GPC5: variants seen among roughly 807,000 people sequenced by gnomAD.
GPC5 encodes glypican 5, also known as glypican-5.
In GPC5, 47 loss-of-function variants were observed where a neutral mutation model predicts 53.9. That is an observed-to-expected ratio of 0.87 (90% CI 0.69 to 1.11). The LOEUF (loss-of-function observed/expected upper bound fraction) is 1.11, where lower values mean the gene tolerates loss of function less well. GPC5 is among the 50% of genes most tolerant of loss of function. GPC5 has a pLI of 0.00. For missense variants in GPC5, 748 were observed against 713.1 expected, an observed-to-expected ratio of 1.05 and a Z score of -0.56; for synonymous variants, 286 against 263.3, an observed-to-expected ratio of 1.09 and a Z score of -0.84.
chr13:91,971,658 A>G (rs2040243410), intron 6 of GPC5, among the ~76,000 whole-genome samples: 1 of 152,076 alleles, frequency 6.6e-6, no homozygotes, highest in African/African-American at 2.4e-5. Context: ...AGATTCTGGT[A>G]TGTTGTGTCT....
chr13:92,222,861 T>A (rs2042459367), intron 7 of GPC5, among the ~76,000 whole-genome samples: 1 of 152,216 alleles, frequency 6.6e-6, no homozygotes, highest in Admixed American at 6.5e-5. Context: ...AATTAGCATG[T>A]ATTCATTCAA....
intron 7 of GPC5, among the ~76,000 whole-genome samples, chr13:92,563,605 A>G (rs1322647780): frequency 2.0e-5 from 3 of 152,086 alleles, no homozygotes; most frequent in Non-Finnish European, 2.9e-5. Context: ...TATAGAAAAA[A>G]CTAACATTTT....
chr13:91,662,563 TAATA>T (rs775940626), intron 2 of GPC5, among the ~76,000 whole-genome samples: 1 of 152,226 alleles, frequency 6.6e-6, no homozygotes, highest in South Asian at 2.1e-4. Flanking sequence ...ATGATCTAAG[TAATA>T]AATCTCTTAA....
At chr13:92,210,390 ATTC>A (rs914607790) in intron 7 of GPC5, among the ~76,000 whole-genome samples, 79 of 152,252 alleles carry the variant, frequency 5.2e-4, no homozygotes, top group African/African-American at 1.8e-3. Context: ...AATTTTGACA[ATTC>A]TTCTTGAGAA....
Position 91,540,896 on chromosome 13 carries a change from A to G in GPC5, c.325+91974A>G, listed in dbSNP as rs980152780. On this transcript the variant is annotated intron_variant, in intron 2 of 7. Transcript: ENST00000377067. ...TAAGGATAAAGACATACAGAAAAAAAAAACAGTGGCCACAACATTATACAT... is the reference window on the plus strand; with the variant it reads ...TAAGGATAAAGACATACAGAAAAAAGAAACAGTGGCCACAACATTATACAT... Among the ~76,000 whole-genome samples the G allele has an allele frequency of 1.5e-4, 23 of 152,172 alleles. 1 individual carries two copies. The highest frequency in any genetic ancestry group is 9.8e-4 in the Admixed American group (15 of 15,264).
chr13:92,281,324 G>A (rs948863414), intron 7 of GPC5, among the ~76,000 whole-genome samples: 2 of 152,208 alleles, frequency 1.3e-5, no homozygotes, highest in African/African-American at 4.8e-5. Flanking sequence ...TCTGGGGGCA[G>A]GGCATAGCAG....
At chr13:91,437,546 C>A (rs1174090796) in intron 1 of GPC5, among the ~76,000 whole-genome samples, 4 of 152,118 alleles carry the variant, frequency 2.6e-5, no homozygotes, top group Non-Finnish European at 5.9e-5. Flanking sequence ...GAGTTTCTGC[C>A]GAGATATCAG....
At chr13:91,450,354 G>A (rs1339564492) in intron 2 of GPC5, among the ~76,000 whole-genome samples, 3 of 152,166 alleles carry the variant, frequency 2.0e-5, no homozygotes, top group African/African-American at 7.2e-5. Flanking sequence ...GAAAAGGATA[G>A]TAGGTACAAT....
chr13:92,464,460 TG>T (rs1172711018), intron 7 of GPC5, among the ~76,000 whole-genome samples: 1 of 152,120 alleles, frequency 6.6e-6, no homozygotes, highest in Non-Finnish European at 1.5e-5. Flanking sequence ...TGTACAAATC[TG>T]TCTTCTTTGG....
At chr13:92,222,425 A>G (rs190337093) in intron 7 of GPC5, among the ~76,000 whole-genome samples, 1 of 152,342 alleles carries the variant, frequency 6.6e-6, no homozygotes, top group Non-Finnish European at 1.5e-5. Flanking sequence ...TAATTACAGT[A>G]AATTAAGAAA....
intron 7 of GPC5, among the ~76,000 whole-genome samples, chr13:92,176,736 C>T (rs1046850978): frequency 2.0e-4 from 30 of 152,242 alleles, no homozygotes; most frequent in Non-Finnish European, 4.0e-4. Context: ...AGTGGTTCCT[C>T]ACCTCAACGG....
chr13:91,746,595 C>T (rs1017502993), intron 4 of GPC5, among the ~76,000 whole-genome samples: 3 of 152,062 alleles, frequency 2.0e-5, no homozygotes, highest in African/African-American at 4.8e-5. Flanking sequence ...GTATGCCTTT[C>T]GAACATAGTT....
chr13:92,283,768 T>A (rs1245207004), intron 7 of GPC5, among the ~76,000 whole-genome samples: 1 of 152,186 alleles, frequency 6.6e-6, no homozygotes, highest in East Asian at 1.9e-4. Context: ...TTTTTAGCAC[T>A]AAATGCCCAC....
At chr13:91,720,583 T>G (rs1157954577) in intron 3 of GPC5, among the ~76,000 whole-genome samples, 2 of 152,128 alleles carry the variant, frequency 1.3e-5, no homozygotes, top group Non-Finnish European at 2.9e-5. Context: ...CTCATCCAAC[T>G]GCCTGCTGTT....
At chr13:91,441,195 A>G (rs1880395783) in intron 1 of GPC5, among the ~76,000 whole-genome samples, 1 of 152,170 alleles carries the variant, frequency 6.6e-6, no homozygotes, top group South Asian at 2.1e-4. Context: ...TGCCAGAGTT[A>G]ATGGTTTCTA....
At chr13:91,977,313 T>C (rs1329946000) in intron 6 of GPC5, among the ~76,000 whole-genome samples, 1 of 152,144 alleles carries the variant, frequency 6.6e-6, no homozygotes, top group East Asian at 1.9e-4. Context: ...TGAGTGAAAA[T>C]CAATGCTTAG....
intron 7 of GPC5, among the ~76,000 whole-genome samples, chr13:92,753,624 G>T (rs935049618): frequency 6.6e-6 from 1 of 152,118 alleles, no homozygotes; most frequent in Non-Finnish European, 1.5e-5. Context: ...CCAATACAAA[G>T]AAGTGCTTAA....
At chr13:92,522,850 A>T (rs1453862861) in intron 7 of GPC5, among the ~76,000 whole-genome samples, 2 of 152,152 alleles carry the variant, frequency 1.3e-5, no homozygotes. Context: ...AAAATATTGA[A>T]ATGTAAGTAC....
At chr13:91,677,993 G>A (rs1418367555) in intron 2 of GPC5, among the ~76,000 whole-genome samples, 1 of 152,116 alleles carries the variant, frequency 6.6e-6, no homozygotes, top group Non-Finnish European at 1.5e-5. Context: ...GATTGATTTT[G>A]TGCTTTATAA....
Sources: gnomAD v4.1 joint callset for allele counts (sites outside exome capture counted in the v4.1 genomes callset) on GRCh38, gnomAD v4.1.1 for gene constraint, MANE v1.5 for transcripts, NCBI Gene and HGNC (gene_info 2026-07-23, HGNC 2026-07-21) for gene names.